Variants in ADAMTSL1 observed in about 807,000 individuals in gnomAD.
The protein encoded by ADAMTSL1 is ADAMTS-like protein 1.
In ADAMTSL1, 126 loss-of-function variants were observed where a neutral mutation model predicts 201.8. The observed-to-expected ratio is 0.62, with a 90% confidence interval of 0.54 to 0.72. The LOEUF is 0.72. Among genes scored for constraint, ADAMTSL1 ranks in the 30% least tolerant of loss-of-function variants. The pLI is 0.00. For synonymous variants in ADAMTSL1, 1,121 were observed against 903.4 expected (o/e 1.24, Z -4.32); for missense variants, 2,679 against 2,277.8 (o/e 1.18, Z -3.59).
intron 15 of ADAMTSL1, among the ~76,000 whole-genome samples, chr9:18,738,054 A>G (rs1818619917): frequency 6.6e-6 from 1 of 152,208 alleles, no homozygotes; most frequent in Non-Finnish European, 1.5e-5. Context: ...ATATATGTTA[A>G]GCATTCATGT....
At chr9:17,927,873 A>G (rs1236592457) in intron 1 of ADAMTSL1, among the ~76,000 whole-genome samples, 1 of 152,094 alleles carries the variant, frequency 6.6e-6, no homozygotes, top group East Asian at 1.9e-4. Context: ...TTATTTACTC[A>G]TGCATTCATT....
chr9:17,934,792 C>T (rs976287816), intron 1 of ADAMTSL1, among the ~76,000 whole-genome samples: 1 of 151,696 alleles, frequency 6.6e-6, no homozygotes, highest in East Asian at 1.9e-4. Flanking sequence ...CTACCCATTT[C>T]CCCCACAAAG....
At chr9:18,177,559 G>A (rs990645609) in intron 2 of ADAMTSL1, among the ~76,000 whole-genome samples, 1 of 152,158 alleles carries the variant, frequency 6.6e-6, no homozygotes, top group Non-Finnish European at 1.5e-5. Context: ...TAGGGACACA[G>A]CTTATTCTAC....
intron 15 of ADAMTSL1, among the ~76,000 whole-genome samples, chr9:18,752,256 A>G (rs1014850097): frequency 1.9e-4 from 29 of 152,186 alleles, no homozygotes; most frequent in African/African-American, 6.3e-4. Flanking sequence ...AGTTAGTTAC[A>G]TGTCAGAGCA....
Position 18,836,544 on chromosome 9 carries a change from T to G in ADAMTSL1, c.4249+6567T>G, listed in dbSNP as rs190562062. Among the ~76,000 whole-genome samples, 556 of 152,276 alleles carry G rather than the reference T, an allele frequency of 3.7e-3. 2 individuals are homozygous for G. Among genetic ancestry groups the G allele is most frequent in the Non-Finnish European group, 6.2e-3 (422 of 68,000 alleles). On this transcript the variant is annotated intron_variant, in intron 23 of 28. Transcript: ENST00000380548. ...AGTTGGGTGGCATGATGCTTCTATCTTTGTTCTTTTTATTTAGGATCACTT... is the reference window on the plus strand; with the variant it reads ...AGTTGGGTGGCATGATGCTTCTATCGTTGTTCTTTTTATTTAGGATCACTT...
At chr9:18,783,925 C>T (rs1461818004) in intron 19 of ADAMTSL1, among the ~76,000 whole-genome samples, 3 of 152,176 alleles carry the variant, frequency 2.0e-5, no homozygotes, top group Non-Finnish European at 4.4e-5. Context: ...TTCTAGCAAA[C>T]CTGTCCATGC....
chr9:18,553,675 G>A (rs552034324), intron 3 of ADAMTSL1, among the ~76,000 whole-genome samples: 8 of 151,934 alleles, frequency 5.3e-5, no homozygotes, highest in African/African-American at 1.4e-4. Context: ...GCTCTCTCTT[G>A]AAAGTTAGTT....
At chr9:18,364,967 C>G (rs1836703791) in intron 2 of ADAMTSL1, among the ~76,000 whole-genome samples, 1 of 152,124 alleles carries the variant, frequency 6.6e-6, no homozygotes, top group Non-Finnish European at 1.5e-5. Context: ...CCACCAGGCC[C>G]CACCTCCAAC....
Position 18,720,986 on chromosome 9 carries a change from A to C in ADAMTSL1, c.1877-550A>C, listed in dbSNP as rs7039052. 9.9e-3 allele frequency among the ~76,000 whole-genome samples: 1,505 copies of C among 152,224 alleles called. 34 individuals are homozygous for C. Among genetic ancestry groups the C allele is most frequent in the African/African-American group, 0.034 (1,407 of 41,538 alleles). On this transcript the variant is annotated intron_variant, in intron 14 of 28. Coordinates refer to ENST00000380548, the MANE Select transcript of ADAMTSL1 (RefSeq NM_001040272.6). The stretch of plus-strand genomic sequence containing the variant: ...TTCTCCTTCTTTGTTCCAACTTCCA[A>C]GGCTGCCCTAGGTCACAAAAGAAAT...
intron 23 of ADAMTSL1, among the ~76,000 whole-genome samples, chr9:18,869,812 C>T (rs1827775001): frequency 6.6e-6 from 1 of 152,070 alleles, no homozygotes; most frequent in African/African-American, 2.4e-5. Flanking sequence ...GGTTTGTAAA[C>T]TTTTTAGAAC....
chr9:18,608,631 A>C (rs1279165289), intron 4 of ADAMTSL1, among the ~76,000 whole-genome samples: 1 of 152,176 alleles, frequency 6.6e-6, no homozygotes, highest in Non-Finnish European at 1.5e-5. Flanking sequence ...TCCTGAACCC[A>C]CAAGGCTAGA....
intron 1 of ADAMTSL1, among the ~76,000 whole-genome samples, chr9:18,116,843 T>C (rs183310984): frequency 6.6e-6 from 1 of 152,330 alleles, no homozygotes. Context: ...ATTAGGTCTG[T>C]CCTCAGACTC....
chr9:18,320,544 C>G (rs991957884), intron 2 of ADAMTSL1, among the ~76,000 whole-genome samples: 5 of 152,110 alleles, frequency 3.3e-5, no homozygotes, highest in Non-Finnish European at 7.3e-5. Flanking sequence ...GAAATGATAG[C>G]AGATGGAACT....
At chr9:18,458,434 T>G (rs1031978529) in intron 2 of ADAMTSL1, among the ~76,000 whole-genome samples, 4 of 152,206 alleles carry the variant, frequency 2.6e-5, no homozygotes, top group Admixed American at 2.0e-4. Flanking sequence ...AGTGGATCAC[T>G]GCCCACAGTT....
At chr9:18,828,697 A>ATATATATATATATTG (rs1824776656) in intron 22 of ADAMTSL1, among the ~76,000 whole-genome samples, 1 of 42,510 alleles carries the variant, frequency 2.4e-5, no homozygotes, top group African/African-American at 7.5e-5. Context: ...TATATATAAA[A>ATATATATATATATTG]TGTGTGTGTG....
chr9:17,992,451 G>T (rs758532608), intron 1 of ADAMTSL1, among the ~76,000 whole-genome samples: 8 of 152,110 alleles, frequency 5.3e-5, no homozygotes, highest in Non-Finnish European at 1.0e-4. Flanking sequence ...TGAAGGTTTT[G>T]CCAACTTTGT....
At chr9:18,740,478 C>CTTTTTTTTTTTTTTTTTTTTTTTTTTT (rs11449360) in intron 15 of ADAMTSL1, among the ~76,000 whole-genome samples, 9 of 105,678 alleles carry the variant, frequency 8.5e-5, no homozygotes, top group African/African-American at 1.5e-4. Context: ...TTTCTTTTAT[C>CTTTTTTTTTTTTTTTTTTTTTTTTTTT]TTTTTTTTTT....
intron 15 of ADAMTSL1, among the ~76,000 whole-genome samples, chr9:18,722,268 A>G (rs1486545390): frequency 6.6e-6 from 1 of 152,166 alleles, no homozygotes; most frequent in Non-Finnish European, 1.5e-5. Context: ...TCACTGCTTC[A>G]GTCCCTACAA....
At chr9:18,514,821 C>G (rs1818269300) in intron 2 of ADAMTSL1, among the ~76,000 whole-genome samples, 3 of 152,168 alleles carry the variant, frequency 2.0e-5, no homozygotes, top group Admixed American at 1.3e-4. Context: ...TTTCAGTACT[C>G]TTTTGAACAG....
Sources: allele counts gnomAD v4.1 joint callset (sites outside exome capture counted in the v4.1 genomes callset), GRCh38; gene constraint gnomAD v4.1.1; transcripts MANE v1.5; gene names NCBI Gene and HGNC (gene_info 2026-07-23, HGNC 2026-07-21).